Variants in ARHGAP6 observed in about 807,000 individuals in gnomAD.
ARHGAP6 encodes the protein rho GTPase-activating protein 6.
In ARHGAP6, 16 loss-of-function variants were observed where a neutral mutation model predicts 55.7. That is an observed-to-expected ratio of 0.29 (90% CI 0.19 to 0.44). The LOEUF is 0.44. ARHGAP6 is among the 20% of genes least tolerant of loss of function. The pLI, the probability that ARHGAP6 is intolerant of heterozygous loss-of-function variation, is 1.00. For missense variants in ARHGAP6, 698 were observed against 808.9 expected (o/e 0.86, Z 1.66); for synonymous variants, 382 against 360.9 (o/e 1.06, Z -0.66).
At chrX:11,227,471 T>C (rs1483629788) in intron 2 of ARHGAP6, among the ~76,000 whole-genome samples, 1 of 111,904 alleles carries the variant, frequency 8.9e-6, no homozygotes, top group Non-Finnish European at 1.9e-5. Context: ...TCCTTGCTTG[T>C]ATTATTAAGC....
intron 2 of ARHGAP6, among the ~76,000 whole-genome samples, chrX:11,208,314 A>G (rs1167077766): frequency 3.6e-5 from 4 of 110,812 alleles, no homozygotes; most frequent in African/African-American, 9.9e-5. Context: ...ACGTAAAAAA[A>G]TGTCATCCTG....
intron 1 of ARHGAP6, among the ~76,000 whole-genome samples, chrX:11,571,968 G>A (rs1012625575): frequency 1.8e-5 from 2 of 110,173 alleles, no homozygotes; most frequent in African/African-American, 6.6e-5. Flanking sequence ...TTTCAAGACT[G>A]AGGGACCATG....
At chrX:11,600,297 T>C (rs1470433730) in intron 1 of ARHGAP6, among the ~76,000 whole-genome samples, 1 of 112,348 alleles carries the variant, frequency 8.9e-6, no homozygotes, top group Non-Finnish European at 1.9e-5. Flanking sequence ...TTAACCAGAC[T>C]GTCAAGGACC....
At position 11,365,228 on chromosome X, in the gene ARHGAP6, G is replaced by A. The variant is rs141651208; in HGVS notation, c.589-110521C>T. Among the ~76,000 whole-genome samples the A allele has an allele frequency of 8.4e-4, 94 of 112,268 alleles. No homozygotes were observed. The East Asian group carries it at 0.024, about 29-fold the overall frequency. On this transcript the variant is annotated intron_variant, in intron 1 of 12. Coordinates refer to ENST00000337414, the MANE Select transcript of ARHGAP6 (RefSeq NM_013427.3). ...CCAACAATACACAGAGCAGGACAGAGCCTGCAGAGAGAAGGACCCAACATC... is the reference window on the plus strand; with the variant it reads ...CCAACAATACACAGAGCAGGACAGAACCTGCAGAGAGAAGGACCCAACATC...
intron 1 of ARHGAP6, among the ~76,000 whole-genome samples, chrX:11,547,776 C>T (rs909595910): frequency 7.1e-5 from 8 of 112,333 alleles, no homozygotes; most frequent in Non-Finnish European, 1.3e-4. Flanking sequence ...CATCCAATTT[C>T]AGGAACTGCT....
chrX:11,502,235 C>A (rs973635071), intron 1 of ARHGAP6, among the ~76,000 whole-genome samples: 6 of 112,261 alleles, frequency 5.3e-5, no homozygotes, highest in Non-Finnish European at 1.1e-4. Flanking sequence ...AAGCCAGACA[C>A]AAAGTAATAT....
At chrX:11,201,677 C>A (rs746587671) in intron 2 of ARHGAP6, among the ~76,000 whole-genome samples, 1 of 112,069 alleles carries the variant, frequency 8.9e-6, no homozygotes, top group Non-Finnish European at 1.9e-5. Flanking sequence ...GAAGGGGAAG[C>A]AAACACTACC....
At chrX:11,405,525 G>C (rs752385815) in intron 1 of ARHGAP6, among the ~76,000 whole-genome samples, 56 of 111,905 alleles carry the variant, frequency 5.0e-4, no homozygotes, top group Non-Finnish European at 9.6e-4. Context: ...AGGGTTTACT[G>C]TATGATTATT....
chrX:11,467,498 CTT>C (rs1168183425), intron 1 of ARHGAP6, among the ~76,000 whole-genome samples: 1 of 111,452 alleles, frequency 9.0e-6, no homozygotes, highest in Non-Finnish European at 1.9e-5. Context: ...GAAAACAACT[CTT>C]AACACAAATC....
intron 1 of ARHGAP6, among the ~76,000 whole-genome samples, chrX:11,415,107 CA>C (rs1463827939): frequency 3.6e-5 from 4 of 111,894 alleles, no homozygotes; most frequent in African/African-American, 1.3e-4. Flanking sequence ...ATACATATTT[CA>C]AAACATATTG....
At chrX:11,221,867 G>A (rs192101045) in intron 2 of ARHGAP6, among the ~76,000 whole-genome samples, 3 of 110,516 alleles carry the variant, frequency 2.7e-5, no homozygotes, top group South Asian at 3.9e-4. Context: ...GGTGGTTTTC[G>A]ATCCTCACCC....
intron 5 of ARHGAP6, among the ~76,000 whole-genome samples, chrX:11,184,451 G>C (rs1286463637): frequency 1.8e-5 from 2 of 112,051 alleles, no homozygotes; most frequent in African/African-American, 6.5e-5. Flanking sequence ...ATTTGTTTTA[G>C]TTGTGTTTTC....
At chrX:11,355,721 T>C (rs2048922726) in intron 1 of ARHGAP6, among the ~76,000 whole-genome samples, 2 of 110,981 alleles carry the variant, frequency 1.8e-5, no homozygotes, top group Non-Finnish European at 3.8e-5. Flanking sequence ...CATATGACCG[T>C]TAGGGTGCCA....
chrX:11,238,149 G>T (rs1205595375), intron 2 of ARHGAP6, among the ~76,000 whole-genome samples: 1 of 112,323 alleles, frequency 8.9e-6, no homozygotes, highest in Non-Finnish European at 1.9e-5. Flanking sequence ...TTTCCCACTT[G>T]TCACAATGCT....
At chrX:11,499,763 C>T (rs963144170) in intron 1 of ARHGAP6, among the ~76,000 whole-genome samples, 2 of 112,170 alleles carry the variant, frequency 1.8e-5, no homozygotes, top group Non-Finnish European at 3.8e-5. Context: ...TTGCCTCTCC[C>T]AGGCACTGCT....
At chrX:11,195,959 CAAAAAAAAAAAA>C (rs1024986729) in intron 3 of ARHGAP6, among the ~76,000 whole-genome samples, 30 of 8,414 alleles carry the variant, frequency 3.6e-3, no homozygotes, top group African/African-American at 7.5e-3. Context: ...ACTAAAAATA[CAAAAAAAAAAAA>C]AAAAAAAAAA....
At chrX:11,540,421 C>T (rs183771188) in intron 1 of ARHGAP6, among the ~76,000 whole-genome samples, 56 of 111,464 alleles carry the variant, frequency 5.0e-4, no homozygotes, top group Admixed American at 3.9e-3. Context: ...TTCATTTGTT[C>T]GCCCAGATCT....
At chrX:11,348,589 A>T (rs894871942) in intron 1 of ARHGAP6, among the ~76,000 whole-genome samples, 1 of 112,124 alleles carries the variant, frequency 8.9e-6, no homozygotes, top group Non-Finnish European at 1.9e-5. Flanking sequence ...CTGGAAATAA[A>T]ATAATAAGCA....
Position 11,196,952 on chromosome X carries a change from G to C in ARHGAP6, c.793C>G (p.Leu265Val). 2.7e-6 allele frequency: 3 copies of C among 1,108,425 alleles called. No individual in the cohort carries two copies. Among genetic ancestry groups the C allele is most frequent in the Non-Finnish European group, 3.7e-6 (3 of 802,981 alleles). The allele number at this position is 1,108,425 out of a possible 1,213,427, so 91.3% of individuals were successfully genotyped here. Residue 265 changes from leucine to valine, a missense_variant, in exon 3 of 13, where the codon CTA becomes GTA. Physicochemically the swap from Leu to Val is conservative, Grantham distance 32. Coordinates refer to ENST00000337414, the MANE Select transcript of ARHGAP6 (RefSeq NM_013427.3). ...KKSLRKKLDS[L>V]GKEKNKDKEF... ...TTGTCTTTGTTTTTCTCCTTTCCTA[G>C]TGAATCCAGTTTCTTTCTTAAAGAT...
Sources: allele counts gnomAD v4.1 joint callset (sites outside exome capture counted in the v4.1 genomes callset), GRCh38; gene constraint gnomAD v4.1.1; transcripts MANE v1.5; gene names NCBI Gene and HGNC (gene_info 2026-07-23, HGNC 2026-07-21).